Variants in CCDC30 observed in about 807,000 individuals in gnomAD.
The protein encoded by CCDC30 is coiled-coil domain-containing protein 30.
Under a neutral mutation model 100.2 loss-of-function variants are expected in CCDC30, and 70 were observed. That is an observed-to-expected ratio of 0.70 (90% CI 0.58 to 0.85). CCDC30 has a LOEUF of 0.85. Among genes scored for constraint, CCDC30 ranks in the 40% least tolerant of loss-of-function variants. The pLI, the probability that CCDC30 is intolerant of heterozygous loss-of-function variation, is 0.00. For missense variants in CCDC30, 652 were observed against 771.2 expected, an observed-to-expected ratio of 0.85 and a Z score of 1.83; for synonymous variants, 233 against 269.5, an observed-to-expected ratio of 0.86 and a Z score of 1.33.
chr1:42,653,509 T>G, intron 16 of CCDC30, 66 bp downstream of exon 20: 10 of 1,029,478 alleles, frequency 9.7e-6, no homozygotes, highest in Middle Eastern at 2.1e-4. Flanking sequence ...TGCCTGAGAG[T>G]CATGGCTGCC....
intron 15 of CCDC30, among the ~76,000 whole-genome samples, chr1:42,648,884 G>A (rs1296004662): frequency 2.0e-5 from 3 of 151,850 alleles, no homozygotes; most frequent in African/African-American, 7.3e-5. Context: ...TGAGATCTCA[G>A]AAATACAAAG....
Position 42,552,245 on chromosome 1 carries a change from C to T in CCDC30, c.457-14051C>T, listed in dbSNP as rs552643763. ...GCCCATTAATAAAAATGTAAAATGGCATTAGCCCAGAATTGTATCCTGGAG... is the reference window on the plus strand; with the variant it reads ...GCCCATTAATAAAAATGTAAAATGGTATTAGCCCAGAATTGTATCCTGGAG... On this transcript the variant is annotated intron_variant, in intron 6 of 16. Transcript: ENST00000668663. Among the ~76,000 whole-genome samples the T allele has an allele frequency of 4.5e-3, 680 of 152,226 alleles. 6 individuals carry two copies. Among genetic ancestry groups the T allele is most frequent in the African/African-American group, 0.013 (532 of 41,528 alleles).
At chr1:42,634,434 A>G (rs1375698473) in intron 11 of CCDC30, among the ~76,000 whole-genome samples, 1 of 152,090 alleles carries the variant, frequency 6.6e-6, no homozygotes. Context: ...CACAGCAAAT[A>G]TTTATCAGGC....
intron 9 of CCDC30, among the ~76,000 whole-genome samples, chr1:42,585,728 T>G (rs1236598577): frequency 6.6e-6 from 1 of 152,134 alleles, no homozygotes; most frequent in East Asian, 1.9e-4. Flanking sequence ...TTGTAAGTTG[T>G]ATTTCATTTT....
intron 10 of CCDC30, among the ~76,000 whole-genome samples, chr1:42,604,561 C>T (rs1274056013): frequency 6.6e-6 from 1 of 152,186 alleles, no homozygotes; most frequent in African/African-American, 2.4e-5. Context: ...TTTTAAACTC[C>T]ATTTTTCACC....
chr1:42,580,649 G>T (rs1189890461), intron 8 of CCDC30, among the ~76,000 whole-genome samples: 1 of 151,832 alleles, frequency 6.6e-6, no homozygotes, highest in African/African-American at 2.4e-5. Context: ...AAAAAGGCAA[G>T]AAAAAAATGT....
chr1:42,580,437 G>T (rs896713152), intron 8 of CCDC30, among the ~76,000 whole-genome samples: 2 of 152,192 alleles, frequency 1.3e-5, no homozygotes, highest in African/African-American at 2.4e-5. Flanking sequence ...CCAAGCCATT[G>T]TAAAAGATTC....
At chr1:42,561,300 A>G (rs192597718) in intron 6 of CCDC30, among the ~76,000 whole-genome samples, 15 of 152,364 alleles carry the variant, frequency 9.8e-5, no homozygotes, top group African/African-American at 3.4e-4. Flanking sequence ...GGCTGGTTCA[A>G]CATACACAAA....
intron 6 of CCDC30, among the ~76,000 whole-genome samples, chr1:42,538,501 A>AG (rs1644952268): frequency 6.6e-6 from 1 of 151,954 alleles, no homozygotes; most frequent in African/African-American, 2.4e-5. Context: ...AGGCTGAGAC[A>AG]GGAGGATGGT....
intron 16 of CCDC30, 39 bp from the exon 21 acceptor site, chr1:42,653,779 C>A (rs1413241375): frequency 2.0e-6 from 3 of 1,505,470 alleles, no homozygotes; most frequent in Non-Finnish European, 2.8e-6. Flanking sequence ...TACCAACAAA[C>A]TCTATGTACA....
chr1:42,627,499 C>T (rs1332750515), intron 11 of CCDC30, among the ~76,000 whole-genome samples: 7 of 152,090 alleles, frequency 4.6e-5, no homozygotes, highest in East Asian at 1.9e-4. Context: ...TCCCCAAGAC[C>T]GTGGGAAAAT....
chr1:42,613,079 A>T (rs1432476103), intron 11 of CCDC30, among the ~76,000 whole-genome samples: 5 of 152,154 alleles, frequency 3.3e-5, no homozygotes, highest in Non-Finnish European at 7.4e-5. Flanking sequence ...TGCAAGAAAG[A>T]ATTCGGGGCA....
At chr1:42,583,080 T>C (rs886905034) in intron 9 of CCDC30, among the ~76,000 whole-genome samples, 2 of 152,238 alleles carry the variant, frequency 1.3e-5, no homozygotes, top group Non-Finnish European at 2.9e-5. Context: ...ATTTTTTTTC[T>C]TTGTAAATTG....
chr1:42,556,637 A>T (rs1645376574), intron 6 of CCDC30, among the ~76,000 whole-genome samples: 1 of 152,252 alleles, frequency 6.6e-6, no homozygotes, highest in Non-Finnish European at 1.5e-5. Flanking sequence ...TATCCTTTGT[A>T]TTACAAACAA....
intron 9 of CCDC30, among the ~76,000 whole-genome samples, chr1:42,586,389 C>T (rs1416965143): frequency 1.3e-5 from 2 of 152,112 alleles, no homozygotes; most frequent in Non-Finnish European, 2.9e-5. Flanking sequence ...TCACTGCAGC[C>T]CTGAACTCCT....
intron 6 of CCDC30, among the ~76,000 whole-genome samples, chr1:42,515,140 A>G (rs954503700): frequency 6.6e-6 from 1 of 151,930 alleles, no homozygotes; most frequent in Non-Finnish European, 1.5e-5. Context: ...CCATGTGAAG[A>G]CAGTCATACA....
intron 10 of CCDC30, among the ~76,000 whole-genome samples, chr1:42,608,905 G>T (rs1347700417): frequency 6.6e-6 from 1 of 152,022 alleles, no homozygotes; most frequent in Non-Finnish European, 1.5e-5. Context: ...AGACAATCTG[G>T]CAGAAGGATT....
chr1:42,554,173 G>A (rs1451961648), intron 6 of CCDC30, among the ~76,000 whole-genome samples: 2 of 151,830 alleles, frequency 1.3e-5, no homozygotes, highest in Admixed American at 6.6e-5. Flanking sequence ...TATTTAGTAT[G>A]AGCATTATTG....
chr1:42,456,360 G>A, the CCDC30 span: 2 of 643,222 alleles, frequency 3.1e-6, no homozygotes, highest in East Asian at 5.7e-5. Context: ...CCCAGCCGGG[G>A]ATCCCCCTCG....
Sources: gnomAD v4.1 joint callset for allele counts (sites outside exome capture counted in the v4.1 genomes callset) on GRCh38, gnomAD v4.1.1 for gene constraint, MANE v1.5 for transcripts, NCBI Gene and HGNC (gene_info 2026-07-23, HGNC 2026-07-21) for gene names.